SEC14L6: variants seen among roughly 807,000 people sequenced by gnomAD.
The protein encoded by SEC14L6 is SEC14-like protein 6.
Under a neutral mutation model 54.1 loss-of-function variants are expected in SEC14L6, and 40 were observed. The observed-to-expected ratio is 0.74, with a 90% CI of 0.57 to 0.96. The LOEUF (loss-of-function observed/expected upper bound fraction) is 0.96. Ranked by LOEUF, SEC14L6 falls within the 40% of genes least tolerant of loss-of-function variation. SEC14L6 has a pLI of 0.00. For missense variants in SEC14L6, 471 were observed against 498.3 expected, an observed-to-expected ratio of 0.95 and a Z score of 0.52; for synonymous variants, 171 against 198.4, an observed-to-expected ratio of 0.86 and a Z score of 1.16.
chr22:30,536,402 G>C (rs746032721), intron 2 of SEC14L6, among the ~76,000 whole-genome samples: 5 of 152,124 alleles, frequency 3.3e-5, no homozygotes, highest in Non-Finnish European at 7.4e-5. Flanking sequence ...CCCCAGGGAA[G>C]GAGTCTTAAG....
intron 1 of SEC14L6, chr22:30,543,607 C>T (rs1268671571): frequency 1.2e-6 from 2 of 1,613,618 alleles, no homozygotes; most frequent in African/African-American, 1.3e-5. Context: ...AAGCCATGAC[C>T]TGAAGGTCTC....
chr22:30,542,828 A>C lies in SEC14L6; in HGVS notation c.54+3801T>G, dbSNP rs987183441. 16 of 1,596,210 alleles carry C rather than the reference A, an allele frequency of 1.0e-5. No individual in the cohort carries two copies. The African/African-American group carries it at 2.1e-4, about 21-fold the overall frequency. ...TTAATCTACCATCAAAAAGAAGGCC[A>C]CTTCCCCCGGGTAACAACTGTTTCA... On this transcript the variant is annotated intron_variant, in intron 1 of 11. Transcript: ENST00000402034.
chr22:30,533,568 T>A (rs1187831557), intron 3 of SEC14L6, among the ~76,000 whole-genome samples: 4 of 149,602 alleles, frequency 2.7e-5, no homozygotes, highest in Non-Finnish European at 5.9e-5. Flanking sequence ...GTCATTATAC[T>A]CCAGCCTGGG....
intron 2 of SEC14L6, among the ~76,000 whole-genome samples, chr22:30,535,762 G>A (rs1340147859): frequency 6.6e-6 from 1 of 152,184 alleles, no homozygotes; most frequent in East Asian, 1.9e-4. Context: ...CCAGGCTGGA[G>A]TGCAGTGGCA....
At chr22:30,538,104 C>T (rs2085630746) in intron 2 of SEC14L6, among the ~76,000 whole-genome samples, 1 of 152,138 alleles carries the variant, frequency 6.6e-6, no homozygotes, top group Non-Finnish European at 1.5e-5. Flanking sequence ...CTTTGGGAGG[C>T]CAAGACAGGT....
chr22:30,525,907 T>C lies in SEC14L6; in HGVS notation c.690A>G (p.Lys230=), dbSNP rs1488876749. 7.4e-6 allele frequency: 12 copies of C among 1,611,634 alleles called. No homozygotes were observed. The highest frequency in any genetic ancestry group is 9.3e-6 in the Non-Finnish European group (11 of 1,178,854). ...CGGGCAGCTGGTCGGGGCTGATGAA[T>C]TTTGTCAGCTCCTGCTTCCAGTTGT... ...LGDNWKQELT[K]FISPDQLPVE... is the part of the protein sequence containing the mutation. Residue 230 remains lysine, a synonymous_variant, in exon 9 of 12, where the codon AAA becomes AAG. Coordinates refer to ENST00000402034, the MANE Select transcript of SEC14L6 (RefSeq NM_001193336.4).
intron 1 of SEC14L6, among the ~76,000 whole-genome samples, chr22:30,541,664 GA>G (rs764914046): frequency 4.0e-4 from 56 of 141,292 alleles, no homozygotes; most frequent in South Asian, 6.8e-4. Context: ...TCTCAAAAAA[GA>G]AAAAAAAAAA....
Position 30,525,897 on chromosome 22 carries a change from G to C in SEC14L6, c.700C>G (p.Pro234Ala), listed in dbSNP as rs1601875500. The stretch of plus-strand genomic sequence containing the variant: ...CCAAACTCCACGGGCAGCTGGTCGG[G>C]GCTGATGAATTTTGTCAGCTCCTGC... ...WKQELTKFIS[P>A]DQLPVEFGGT... Residue 234 changes from proline to alanine, a missense_variant, in exon 9 of 12, where the codon CCC becomes GCC. Transcript: ENST00000402034. 1 of 1,612,912 alleles carries C rather than the reference G, an allele frequency of 6.2e-7. No individual in the cohort carries two copies. Among genetic ancestry groups the C allele is most frequent in the South Asian group, 1.1e-5 (1 of 90,876 alleles).
At chr22:30,535,887 G>GTTTTTT (rs71643521) in intron 2 of SEC14L6, among the ~76,000 whole-genome samples, 1 of 128,518 alleles carries the variant, frequency 7.8e-6, no homozygotes, top group African/African-American at 2.9e-5. Flanking sequence ...AGTTTTTTGT[G>GTTTTTT]TTTTTTTTTT....
At chr22:30,532,969 G>A (rs75426385) in intron 3 of SEC14L6, 113 bp from the exon 4 acceptor site, 71,339 of 1,517,834 alleles carry the variant, frequency 0.047, 1,944 homozygotes, top group Non-Finnish European at 0.056. Flanking sequence ...GGGCCTGCCA[G>A]AGCATCCCCA....
In SEC14L6 at chr22:30,538,761, A is replaced by G. The variant is rs556626385; in HGVS notation, c.130+66T>C. ...GTTTTGGAGTAATTTGATACACTCA[A>G]TAGATACCAAATACACTCCTCTTTC... On this transcript the variant is annotated intron_variant, in intron 2 of 11. Coordinates refer to ENST00000402034, the MANE Select transcript of SEC14L6 (RefSeq NM_001193336.4). 126 of 1,087,164 alleles carry G rather than the reference A, an allele frequency of 1.2e-4. 4 individuals are homozygous for G. In the South Asian group the frequency reaches 1.4e-3, roughly 12 times the overall value. The allele number at this position is 1,087,164 out of a possible 1,614,324, so 67.3% of individuals were successfully genotyped here. A position where few individuals can be genotyped will look rare whatever the true frequency, so the allele number is the denominator to read the frequency against.
chr22:30,543,174 A>G, intron 1 of SEC14L6: 3 of 1,603,798 alleles, frequency 1.9e-6, no homozygotes, highest in Non-Finnish European at 2.6e-6. Context: ...ACCCCGCAAG[A>G]GAGAGCGTGT....
chr22:30,546,468 T>C (rs546435881), intron 1 of SEC14L6, among the ~76,000 whole-genome samples, 161 bp downstream of exon 1: 56 of 151,754 alleles, frequency 3.7e-4, no homozygotes, highest in Non-Finnish European at 6.3e-4. Flanking sequence ...GGTATTTCTA[T>C]TGGTTAGTGC....
rs1304579050 is a variant in SEC14L6 at position 30,543,019 on chromosome 22, C to T, written c.54+3610G>A. On this transcript the variant is annotated intron_variant, in intron 1 of 11. Coordinates refer to ENST00000402034, the MANE Select transcript of SEC14L6 (RefSeq NM_001193336.4). ...GTCTGTGCGTGCCAAACCCTCTGCC[C>T]CCGTGGTATCGGGCCCCGCAGCGAG... 3.7e-6 allele frequency: 6 copies of T among 1,601,428 alleles called. No homozygotes were observed. The East Asian group carries it at 8.9e-5, about 24-fold the overall frequency.
intron 1 of SEC14L6, chr22:30,542,952 G>A (rs2085751333): frequency 2.7e-5 from 43 of 1,601,270 alleles, no homozygotes; most frequent in Non-Finnish European, 3.6e-5. Flanking sequence ...TCCAGAAAGG[G>A]AGCCCTGACG....
intron 8 of SEC14L6, among the ~76,000 whole-genome samples, chr22:30,528,422 C>CCT (rs773969166): frequency 3.8e-5 from 4 of 105,518 alleles, no homozygotes; most frequent in East Asian, 2.5e-4. Context: ...CGCTCGGCCT[C>CCT]TTTTTTTTTT....
intron 1 of SEC14L6, among the ~76,000 whole-genome samples, chr22:30,541,730 G>A (rs377437325): frequency 4.6e-5 from 7 of 152,166 alleles, no homozygotes; most frequent in Admixed American, 2.6e-4. Context: ...CTACTCAGGA[G>A]GCTGAGGTGG....
chr22:30,528,422 C>CCTTTTT (rs773969166), intron 8 of SEC14L6, among the ~76,000 whole-genome samples: 8 of 105,534 alleles, frequency 7.6e-5, no homozygotes, highest in African/African-American at 2.8e-4. Context: ...CGCTCGGCCT[C>CCTTTTT]TTTTTTTTTT....
intron 1 of SEC14L6, chr22:30,544,136 A>G: frequency 3.2e-6 from 4 of 1,240,848 alleles, no homozygotes; most frequent in Non-Finnish European, 4.6e-6. Flanking sequence ...CTTGTCCCAC[A>G]AGGAGCCGCC....
Sources: gnomAD v4.1 joint callset for allele counts (sites outside exome capture counted in the v4.1 genomes callset) on GRCh38, gnomAD v4.1.1 for gene constraint, MANE v1.5 for transcripts, NCBI Gene and HGNC (gene_info 2026-07-23, HGNC 2026-07-21) for gene names.